Variants in VPS53 observed in about 807,000 individuals in gnomAD.
The protein encoded by VPS53 is VPS53 subunit of GARP complex.
Under a neutral mutation model 107.0 loss-of-function variants are expected in VPS53, and 70 were observed. The ratio of observed to expected loss-of-function variants is 0.65; its 90% CI spans 0.54 to 0.80. The LOEUF (loss-of-function observed/expected upper bound fraction) is 0.80, where lower values mean the gene tolerates loss of function less well. VPS53 is among the 30% of genes least tolerant of loss of function. The probability of loss-of-function intolerance (pLI) is 0.00; values close to 1 mark genes in which losing one functional copy is unlikely to be tolerated. For missense variants in VPS53, 917 were observed against 1,049.4 expected, an observed-to-expected ratio of 0.87 and a Z score of 1.74; for synonymous variants, 409 against 393.3, an observed-to-expected ratio of 1.04 and a Z score of -0.47.
At chr17:605,071 G>A (rs1156647354) in intron 11 of VPS53, among the ~76,000 whole-genome samples, 1 of 150,246 alleles carries the variant, frequency 6.7e-6, no homozygotes, top group Non-Finnish European at 1.5e-5. Context: ...AAAGATGTCT[G>A]AGCCAGAGCT....
intron 16 of VPS53, 23 bp downstream of exon 16, chr17:553,357 G>T (rs770449475): frequency 6.2e-7 from 1 of 1,611,246 alleles, no homozygotes; most frequent in East Asian, 2.2e-5. Flanking sequence ...CAGGCAGCCA[G>T]TAAGTGTGTG....
chr17:560,603 A>G lies in VPS53; in HGVS notation c.1557-30T>C, dbSNP rs741677. 704,706 of 1,596,268 alleles carry G rather than the reference A, an allele frequency of 0.44. 161,601 individuals are homozygous for G. Among genetic ancestry groups the G allele is most frequent in the African/African-American group, 0.72 (53,793 of 74,304 alleles). On this transcript the variant is annotated intron_variant, in intron 14 of 21. Transcript: ENST00000437048. The stretch of plus-strand genomic sequence containing the variant: ...AGAAAAGGAACAGGAACAAGTCAGC[A>G]TGGAATTTCTAATTTGCTTCCTGAA...
At chr17:536,783 C>A in intron 18 of VPS53, 2 of 451,758 alleles carry the variant, frequency 4.4e-6, no homozygotes, top group Non-Finnish European at 8.0e-6. Context: ...GAGGGAATGT[C>A]CAGCGCGACG....
At chr17:641,795 T>C (rs1433975653) in intron 7 of VPS53, among the ~76,000 whole-genome samples, 3 of 152,274 alleles carry the variant, frequency 2.0e-5, no homozygotes, top group African/African-American at 2.4e-5. Flanking sequence ...CTACAACTCA[T>C]AGAGAACAGG....
intron 7 of VPS53, among the ~76,000 whole-genome samples, chr17:641,507 C>T (rs7226346): frequency 0.05 from 7,634 of 152,246 alleles, 629 homozygotes; most frequent in African/African-American, 0.17. Context: ...GACTGGAGTA[C>T]AGTGGTGCAT....
rs1597446852 is a variant in VPS53 at position 657,012 on chromosome 17, C to G, written c.373-1059G>C. 5 of 873,030 alleles carry G rather than the reference C, an allele frequency of 5.7e-6. No homozygotes were observed. In the East Asian group the frequency reaches 1.2e-4, roughly 21 times the overall value. The allele number at this position is 873,030 out of a possible 1,614,324, so 54.1% of individuals were successfully genotyped here. A position where few individuals can be genotyped will look rare whatever the true frequency, so the allele number is the denominator to read the frequency against. On this transcript the variant is annotated intron_variant, in intron 5 of 21. Coordinates refer to ENST00000437048, the MANE Select transcript of VPS53 (RefSeq NM_001128159.3). ...CTCTCTCTGTTGGGGATCACACCAA[C>G]TCTTCCCAGGTGAGCACCTCCAGTC...
chr17:606,936 G>A (rs1428611057), intron 11 of VPS53, among the ~76,000 whole-genome samples: 2 of 149,696 alleles, frequency 1.3e-5, no homozygotes, highest in Non-Finnish European at 3.0e-5. Flanking sequence ...AAAAAGGTTG[G>A]GGACAGCTGG....
intron 12 of VPS53, among the ~76,000 whole-genome samples, chr17:594,177 G>C (rs946077828): frequency 6.6e-6 from 1 of 152,068 alleles, no homozygotes; most frequent in Non-Finnish European, 1.5e-5. Flanking sequence ...GAGGAGGGGG[G>C]AGGGATAGCA....
At chr17:691,663 C>T (rs953706772) in intron 4 of VPS53, among the ~76,000 whole-genome samples, 2 of 152,150 alleles carry the variant, frequency 1.3e-5, no homozygotes, top group African/African-American at 4.8e-5. Flanking sequence ...TAAAATCTTG[C>T]ACCACCCAAT....
chr17:526,219 T>C (rs951205909), intron 19 of VPS53, among the ~76,000 whole-genome samples: 4 of 152,006 alleles, frequency 2.6e-5, no homozygotes, highest in African/African-American at 7.2e-5. Flanking sequence ...ATTCATTTGT[T>C]GGTAGGAAAA....
chr17:649,878 T>C (rs1183916501), intron 7 of VPS53, among the ~76,000 whole-genome samples: 2 of 152,212 alleles, frequency 1.3e-5, no homozygotes, highest in Non-Finnish European at 2.9e-5. Context: ...CAGCTAGATA[T>C]GCTGGAAATT....
At chr17:612,179 T>C (rs1043083431) in intron 11 of VPS53, among the ~76,000 whole-genome samples, 7 of 148,108 alleles carry the variant, frequency 4.7e-5, no homozygotes, top group Non-Finnish European at 8.9e-5. Context: ...CATAGTGAGT[T>C]CACACAGTGA....
intron 10 of VPS53, among the ~76,000 whole-genome samples, chr17:624,021 T>G (rs1178785853): frequency 6.6e-6 from 1 of 151,820 alleles, no homozygotes; most frequent in Non-Finnish European, 1.5e-5. Flanking sequence ...ATGATTCTTT[T>G]TTTTTTTTGT....
chr17:544,718 T>C (rs1403557938), intron 17 of VPS53, among the ~76,000 whole-genome samples: 2 of 152,228 alleles, frequency 1.3e-5, no homozygotes, highest in African/African-American at 4.8e-5. Context: ...TTAATTGGGT[T>C]CCAATTCCTG....
intron 11 of VPS53, among the ~76,000 whole-genome samples, chr17:621,977 C>T (rs1271086445): frequency 1.3e-5 from 2 of 151,994 alleles, no homozygotes; most frequent in Non-Finnish European, 2.9e-5. Flanking sequence ...TTTGGGAGGC[C>T]GAGGCGGGCA....
intron 15 of VPS53, among the ~76,000 whole-genome samples, chr17:554,265 G>C (rs1912134311): frequency 6.6e-6 from 1 of 152,132 alleles, no homozygotes. Flanking sequence ...CCGACAGCCG[G>C]GGACAGAAAC....
chr17:630,537 T>C (rs1450255133), intron 8 of VPS53, among the ~76,000 whole-genome samples: 1 of 152,178 alleles, frequency 6.6e-6, no homozygotes, highest in Non-Finnish European at 1.5e-5. Flanking sequence ...GGAAAGTGCT[T>C]TACAAATAAG....
chr17:566,039 T>C (rs2151857878), intron 13 of VPS53, among the ~76,000 whole-genome samples: 1 of 151,288 alleles, frequency 6.6e-6, no homozygotes, highest in South Asian at 2.1e-4. Flanking sequence ...CCGTCTCTAC[T>C]AAAAATACAA....
chr17:522,500 G>T (rs546883277), intron 19 of VPS53, among the ~76,000 whole-genome samples: 2 of 152,330 alleles, frequency 1.3e-5, no homozygotes, highest in African/African-American at 4.8e-5. Flanking sequence ...GATGTGTGTG[G>T]TTGTGTAAAC....
Sources: allele counts gnomAD v4.1 joint callset (sites outside exome capture counted in the v4.1 genomes callset), GRCh38; gene constraint gnomAD v4.1.1; transcripts MANE v1.5; gene names NCBI Gene and HGNC (gene_info 2026-07-23, HGNC 2026-07-21).